DLGAP1: variants seen among roughly 807,000 people sequenced by gnomAD.
DLGAP1 encodes disks large-associated protein 1.
Under a neutral mutation model 90.8 loss-of-function variants are expected in DLGAP1, and 11 were observed. The ratio of observed to expected loss-of-function variants is 0.12; its 90% CI spans 0.08 to 0.20. The LOEUF (loss-of-function observed/expected upper bound fraction) is 0.20, where lower values mean the gene tolerates loss of function less well. Among genes scored for constraint, DLGAP1 ranks in the 10% least tolerant of loss-of-function variants. DLGAP1 has a pLI of 1.00. For missense variants in DLGAP1, 1,050 were observed against 1,333.8 expected (o/e 0.79, Z 3.31); for synonymous variants, 558 against 540.7 (o/e 1.03, Z -0.44).
intron 9 of DLGAP1, among the ~76,000 whole-genome samples, chr18:3,538,014 A>G (rs1307922631): frequency 6.6e-6 from 1 of 152,234 alleles, no homozygotes; most frequent in Non-Finnish European, 1.5e-5. Context: ...ATCCTGGACT[A>G]TGCTCTTGAA....
intron 5 of DLGAP1, among the ~76,000 whole-genome samples, chr18:3,789,009 C>T (rs1280124635): frequency 6.6e-6 from 1 of 152,158 alleles, no homozygotes; most frequent in Non-Finnish European, 1.5e-5. Flanking sequence ...ATACATTTAT[C>T]GATTCATTCG....
chr18:3,888,949 A>G (rs1287627721), intron 3 of DLGAP1, among the ~76,000 whole-genome samples: 1 of 152,186 alleles, frequency 6.6e-6, no homozygotes, highest in African/African-American at 2.4e-5. Context: ...CTAAATGGAC[A>G]GATGAATTCC....
chr18:4,392,533 T>C (rs952866017), intron 1 of DLGAP1, among the ~76,000 whole-genome samples: 1 of 152,174 alleles, frequency 6.6e-6, no homozygotes, highest in Admixed American at 6.5e-5. Flanking sequence ...CTTTAAAAAA[T>C]GCCTTCTTGA....
rs368588537 is a variant in DLGAP1 at position 3,729,691 on chromosome 18, G to C, written c.1351-316C>G. Among the ~76,000 whole-genome samples the C allele has an allele frequency of 1.9e-4, 29 of 152,232 alleles. No homozygotes were observed. Among genetic ancestry groups the C allele is most frequent in the East Asian group, 1.5e-3 (8 of 5,172 alleles). On this transcript the variant is annotated intron_variant, in intron 6 of 12. Coordinates refer to ENST00000315677, the MANE Select transcript of DLGAP1 (RefSeq NM_004746.4). This position sits in a 1 kb window ranked among gnomAD's most constrained non-coding sequence, Gnocchi z 6.2. ...CCCAAAGTGCTGGGATTACAGGCAT[G>C]AGCTACCACCACCAGCCGTGATTAC... is the stretch of plus-strand genomic sequence containing the variant.
intron 4 of DLGAP1, among the ~76,000 whole-genome samples, chr18:3,867,803 A>G (rs1261788807): frequency 1.3e-5 from 2 of 152,196 alleles, no homozygotes; most frequent in African/African-American, 2.4e-5. Flanking sequence ...TTTTTATAGC[A>G]GTGTGAAAGT....
chr18:3,835,679 T>G (rs2068334526), intron 4 of DLGAP1, among the ~76,000 whole-genome samples: 1 of 151,990 alleles, frequency 6.6e-6, no homozygotes, highest in African/African-American at 2.4e-5. Context: ...ATATCCTCCT[T>G]TCTAACATAA....
chr18:4,387,813 C>T (rs1046228650), intron 1 of DLGAP1, among the ~76,000 whole-genome samples: 1 of 152,054 alleles, frequency 6.6e-6, no homozygotes, highest in Non-Finnish European at 1.5e-5. Flanking sequence ...TGCCTGTAGT[C>T]CCAGCTACTT....
rs2078239805 is a variant in DLGAP1 at position 4,228,588 on chromosome 18, T to C, written c.-266-77301A>G. ...TCAACAGAATGAAGGATAACAACCA[T>C]GTGATCATTTCAACTGATGCTGAAA... On this transcript the variant is annotated intron_variant, in intron 1 of 12. Coordinates refer to ENST00000315677, the MANE Select transcript of DLGAP1 (RefSeq NM_004746.4). 2.0e-5 allele frequency among the ~76,000 whole-genome samples: 3 copies of C among 151,994 alleles called. No individual in the cohort carries two copies. In the South Asian group the frequency reaches 6.2e-4, roughly 31 times the overall value.
In DLGAP1 at chr18:3,565,749, C is replaced by T. The variant is rs566256756; in HGVS notation, c.2057+1741G>A. 6.6e-6 allele frequency among the ~76,000 whole-genome samples: 1 copy of T among 152,012 alleles called. No homozygotes were observed. The highest frequency in any genetic ancestry group is 2.4e-5 in the African/African-American group (1 of 41,490). ...ACTCGGGAGGCTGAGTCAGGAGAAC[C>T]GCTTGAACCCAGGAGGCGGAGGTTG... On this transcript the variant is annotated intron_variant, in intron 9 of 12. Coordinates refer to ENST00000315677, the MANE Select transcript of DLGAP1 (RefSeq NM_004746.4). The surrounding 1 kb of genome is among the most constrained non-coding windows in gnomAD (Gnocchi z 4.0).
At chr18:3,779,238 T>C (rs751346924) in intron 5 of DLGAP1, among the ~76,000 whole-genome samples, 4 of 151,588 alleles carry the variant, frequency 2.6e-5, no homozygotes, top group African/African-American at 4.9e-5. Flanking sequence ...AGTTTTGCTG[T>C]TGTTGTTGTT....
At chr18:3,994,866 T>C (rs1266347718) in intron 3 of DLGAP1, among the ~76,000 whole-genome samples, 2 of 151,818 alleles carry the variant, frequency 1.3e-5, no homozygotes, top group Non-Finnish European at 2.9e-5. Context: ...TTAATACATA[T>C]AGATTCTAAT....
intron 1 of DLGAP1, among the ~76,000 whole-genome samples, chr18:4,237,203 T>G (rs2078434758): frequency 6.6e-6 from 1 of 152,186 alleles, no homozygotes; most frequent in Non-Finnish European, 1.5e-5. Context: ...CCTTGCCTAT[T>G]TGTGATCTGA....
intron 2 of DLGAP1, among the ~76,000 whole-genome samples, chr18:4,113,640 G>A (rs1307686231): frequency 6.6e-6 from 1 of 151,912 alleles, no homozygotes; most frequent in South Asian, 2.1e-4. Flanking sequence ...TACCAATTTT[G>A]GTTTTAGTTG....
At chr18:4,027,214 G>A (rs1026753077) in intron 2 of DLGAP1, among the ~76,000 whole-genome samples, 20 of 152,080 alleles carry the variant, frequency 1.3e-4, no homozygotes, top group Middle Eastern at 3.4e-3. Context: ...TTTAAAAATA[G>A]AAATAATGTG....
intron 5 of DLGAP1, among the ~76,000 whole-genome samples, chr18:3,801,996 TTTTTTTGA>T (rs1425826513): frequency 6.2e-5 from 2 of 32,438 alleles, no homozygotes; most frequent in Non-Finnish European, 3.5e-4. Flanking sequence ...TGTTTGTTTG[TTTTTTTGA>T]GATGGAGTCT....
chr18:4,351,485 C>T (rs1004999192), intron 1 of DLGAP1, among the ~76,000 whole-genome samples: 3 of 152,114 alleles, frequency 2.0e-5, no homozygotes, highest in South Asian at 2.1e-4. Context: ...TATTCTGACT[C>T]GAAATCTAGC....
chr18:4,403,512 A>G (rs1477122793), intron 1 of DLGAP1, among the ~76,000 whole-genome samples: 1 of 152,190 alleles, frequency 6.6e-6, no homozygotes, highest in Non-Finnish European at 1.5e-5. Flanking sequence ...ATGATAGGCA[A>G]TATTTCGCCA....
At chr18:4,423,961 GA>G (rs1448697980) in intron 1 of DLGAP1, among the ~76,000 whole-genome samples, 1 of 151,440 alleles carries the variant, frequency 6.6e-6, no homozygotes, top group East Asian at 1.9e-4. Context: ...AGACCAGCCT[GA>G]ACTACATGGT....
At chr18:4,014,469 G>A (rs970810933) in intron 2 of DLGAP1, among the ~76,000 whole-genome samples, 2 of 152,128 alleles carry the variant, frequency 1.3e-5, no homozygotes. Context: ...AAAGGAATGT[G>A]TCCTAGATTT....
Sources: allele counts gnomAD v4.1 joint callset (sites outside exome capture counted in the v4.1 genomes callset), GRCh38; gene constraint gnomAD v4.1.1; non-coding constraint Gnocchi (gnomAD v3.1); transcripts MANE v1.5; gene names NCBI Gene and HGNC (gene_info 2026-07-23, HGNC 2026-07-21).